Variants in TBC1D5 observed in about 807,000 individuals in gnomAD.
TBC1D5 encodes the protein TBC1 domain family member 5, also known as TBC1 domain family, member 5.
Under a neutral mutation model 100.3 loss-of-function variants are expected in TBC1D5, and 75 were observed. That is an observed-to-expected ratio of 0.75 (90% confidence interval 0.62 to 0.91). The LOEUF (loss-of-function observed/expected upper bound fraction) is 0.91. TBC1D5 is among the 40% of genes least tolerant of loss of function. The pLI is 0.00. For missense variants in TBC1D5, 910 were observed against 942.4 expected, an observed-to-expected ratio of 0.97 and a Z score of 0.45; for synonymous variants, 323 against 325.6, an observed-to-expected ratio of 0.99 and a Z score of 0.09.
intron 19 of TBC1D5, among the ~76,000 whole-genome samples, chr3:17,168,265 C>A (rs1191777758): frequency 6.6e-6 from 1 of 152,174 alleles, no homozygotes; most frequent in East Asian, 1.9e-4. Context: ...AATAAAGAAA[C>A]TGTCTTTAAG....
chr3:17,276,182 T>C (rs2079988706), intron 15 of TBC1D5, among the ~76,000 whole-genome samples: 3 of 152,170 alleles, frequency 2.0e-5, no homozygotes, highest in Admixed American at 6.5e-5. Flanking sequence ...GGTTCATAGA[T>C]AGTGCCTTCT....
At chr3:17,596,073 G>A (rs1043985247) in intron 2 of TBC1D5, among the ~76,000 whole-genome samples, 4 of 152,104 alleles carry the variant, frequency 2.6e-5, no homozygotes, top group Non-Finnish European at 5.9e-5. Flanking sequence ...ATGGTATAGA[G>A]AATGGCAGGT....
chr3:17,654,276 A>T (rs2065851797), intron 1 of TBC1D5, among the ~76,000 whole-genome samples: 1 of 152,192 alleles, frequency 6.6e-6, no homozygotes, highest in South Asian at 2.1e-4. Context: ...ATTTAATCAG[A>T]TTTAGTTTTA....
intron 1 of TBC1D5, among the ~76,000 whole-genome samples, chr3:17,655,057 CTTT>C (rs1187076469): frequency 4.6e-5 from 7 of 151,386 alleles, no homozygotes; most frequent in Non-Finnish European, 7.4e-5. Context: ...CTCTTTTCTT[CTTT>C]ATTAGTCTTG....
chr3:17,438,350 T>C (rs2094575193), intron 3 of TBC1D5, among the ~76,000 whole-genome samples: 1 of 152,182 alleles, frequency 6.6e-6, no homozygotes, highest in South Asian at 2.1e-4. Context: ...GTTTCCCTAC[T>C]CAAGTCTCAT....
intron 2 of TBC1D5, chr3:17,546,973 T>A (rs1471729295): frequency 6.6e-6 from 1 of 152,202 alleles, no homozygotes; most frequent in African/African-American, 2.4e-5. Flanking sequence ...GAACATCTCT[T>A]ATTAGTCCTA....
chr3:17,434,027 T>A (rs1244040383), intron 3 of TBC1D5, among the ~76,000 whole-genome samples: 1 of 152,222 alleles, frequency 6.6e-6, no homozygotes, highest in African/African-American at 2.4e-5. Flanking sequence ...TCCCACGGCC[T>A]TGGGTAGCTC....
At chr3:17,537,338 T>C (rs1435097892) in intron 2 of TBC1D5, among the ~76,000 whole-genome samples, 1 of 152,200 alleles carries the variant, frequency 6.6e-6, no homozygotes, top group Non-Finnish European at 1.5e-5. Context: ...CTTATTGCCA[T>C]AAAGAGTCTG....
intron 3 of TBC1D5, among the ~76,000 whole-genome samples, chr3:17,476,959 TA>T (rs2150236429): frequency 6.6e-6 from 1 of 152,114 alleles, no homozygotes; most frequent in Admixed American, 6.5e-5. Context: ...TAAATTCTAA[TA>T]ATTTATGTGT....
At chr3:17,591,390 G>A (rs182511829) in intron 2 of TBC1D5, among the ~76,000 whole-genome samples, 29 of 151,686 alleles carry the variant, frequency 1.9e-4, no homozygotes, top group African/African-American at 5.1e-4. Flanking sequence ...CTATATTACC[G>A]ACAATTTATG....
chr3:17,206,879 T>C (rs1393727945), intron 18 of TBC1D5, among the ~76,000 whole-genome samples: 1 of 152,240 alleles, frequency 6.6e-6, no homozygotes, highest in African/African-American at 2.4e-5. Flanking sequence ...TCTAGTTGGC[T>C]GGTGTGCTTA....
At chr3:17,292,315 T>G (rs562328401) in intron 14 of TBC1D5, among the ~76,000 whole-genome samples, 1 of 152,376 alleles carries the variant, frequency 6.6e-6, no homozygotes, top group South Asian at 2.1e-4. Flanking sequence ...TATATGGCTA[T>G]GTTTAAATGT....
At chr3:17,272,377 T>C (rs898779944) in intron 15 of TBC1D5, among the ~76,000 whole-genome samples, 16 of 152,244 alleles carry the variant, frequency 1.1e-4, no homozygotes, top group African/African-American at 3.9e-4. Flanking sequence ...AGCTCATTTA[T>C]GAGGCATCAA....
At chr3:17,676,926 T>G (rs1004529241) in intron 1 of TBC1D5, among the ~76,000 whole-genome samples, 9 of 152,182 alleles carry the variant, frequency 5.9e-5, no homozygotes, top group African/African-American at 2.2e-4. Flanking sequence ...TAATAAATGG[T>G]GCTGGGAAAA....
At chr3:17,526,847 TATA>T (rs1338518535) in intron 2 of TBC1D5, among the ~76,000 whole-genome samples, 8 of 152,226 alleles carry the variant, frequency 5.3e-5, no homozygotes, top group Non-Finnish European at 8.8e-5. Context: ...TTGAGTGATC[TATA>T]ATATTTGTTC....
intron 2 of TBC1D5, among the ~76,000 whole-genome samples, chr3:17,560,674 G>A (rs2096552788): frequency 6.6e-6 from 1 of 151,750 alleles, no homozygotes; most frequent in Non-Finnish European, 1.5e-5. Flanking sequence ...TGTAATCCCA[G>A]CACTTTGGGA....
intron 1 of TBC1D5, among the ~76,000 whole-genome samples, chr3:17,694,008 T>G (rs894317202): frequency 6.6e-6 from 1 of 152,178 alleles, no homozygotes; most frequent in African/African-American, 2.4e-5. Flanking sequence ...GGGACCTGAC[T>G]GTTAGAAGGA....
intron 1 of TBC1D5, among the ~76,000 whole-genome samples, chr3:17,729,077 G>T (rs1244960873): frequency 7.4e-6 from 1 of 135,576 alleles, no homozygotes; most frequent in Non-Finnish European, 1.6e-5. Context: ...GCTCAAACAG[G>T]CAATAAAGAA....
intron 15 of TBC1D5, among the ~76,000 whole-genome samples, chr3:17,259,022 G>A (rs1438248140): frequency 6.6e-6 from 1 of 152,136 alleles, no homozygotes; most frequent in Non-Finnish European, 1.5e-5. Context: ...AATGCTAAAT[G>A]TGTCCACTAG....
Sources: allele counts gnomAD v4.1 joint callset (sites outside exome capture counted in the v4.1 genomes callset), GRCh38; gene constraint gnomAD v4.1.1; transcripts MANE v1.5; gene names NCBI Gene and HGNC (gene_info 2026-07-23, HGNC 2026-07-21).